The following CHST15 variants were observed in gnomAD, a reference collection of about 807,000 sequenced individuals.
CHST15 encodes B cell RAG associated protein (GALNAC4S-6ST).
Under a neutral mutation model 53.6 loss-of-function variants are expected in CHST15, and 30 were observed. That is an observed-to-expected ratio of 0.56 (90% CI 0.42 to 0.76). The LOEUF (loss-of-function observed/expected upper bound fraction) is 0.76. CHST15 is among the 30% of genes least tolerant of loss of function. The pLI, the probability that CHST15 is intolerant of heterozygous loss-of-function variation, is 0.00. For missense variants in CHST15, 627 were observed against 740.5 expected (o/e 0.85, Z 1.78); for synonymous variants, 296 against 289.8 (o/e 1.02, Z -0.22).
intron 6 of CHST15, among the ~76,000 whole-genome samples, chr10:124,016,985 G>A (rs1946606777): frequency 6.6e-6 from 1 of 152,110 alleles, no homozygotes; most frequent in Non-Finnish European, 1.5e-5. Context: ...AGGAGGGCAG[G>A]GGCACACCCT....
intron 3 of CHST15, among the ~76,000 whole-genome samples, chr10:124,044,045 A>ACACAGAGCAG: frequency 1.4e-5 from 2 of 144,418 alleles, no homozygotes; most frequent in South Asian, 4.4e-4. Context: ...CACAGAGCCA[A>ACACAGAGCAG]GGAACAGCAC....
chr10:124,066,540 T>C (rs569515142), intron 1 of CHST15, among the ~76,000 whole-genome samples: 1 of 151,676 alleles, frequency 6.6e-6, no homozygotes, highest in African/African-American at 2.4e-5. Flanking sequence ...TGGGATTATT[T>C]TCCCCTTTGG....
Position 124,042,453 on chromosome 10 carries a change from A to C in CHST15, c.887-6T>G, listed in dbSNP as rs977455921. On this transcript the variant is annotated splice_polypyrimidine_tract_variant and splice_region_variant and intron_variant, in intron 3 of 7. Coordinates refer to ENST00000435907, the MANE Select transcript of CHST15 (RefSeq NM_001270764.2). The stretch of plus-strand genomic sequence containing the variant: ...ATCTCTTAGGCGGACGATTCCTATG[A>C]GAACCAAGAAGCAGGAGATACTGAG... 6.8e-6 allele frequency: 11 copies of C among 1,613,172 alleles called. No homozygotes were observed. The African/African-American group carries it at 1.2e-4, about 18-fold the overall frequency.
chr10:124,055,587 C>A (rs1017875552), intron 1 of CHST15, among the ~76,000 whole-genome samples: 3 of 152,198 alleles, frequency 2.0e-5, no homozygotes, highest in African/African-American at 7.2e-5. Context: ...CACCCAAGTT[C>A]TACAGTAGAA....
rs1947513768 is a variant in CHST15, at chr10:124,036,782, G to A, written c.1190+1733C>T. Among the ~76,000 whole-genome samples, 1 of 152,158 alleles carries A rather than the reference G, an allele frequency of 6.6e-6. No homozygotes were observed. Among genetic ancestry groups the A allele is most frequent in the Non-Finnish European group, 1.5e-5 (1 of 68,030 alleles). ...GTTTGAAAACAGTTTTCCAATATAT[G>A]TTCCAAAATTTCCACAACAAACACG... On this transcript the variant is annotated intron_variant, in intron 5 of 7. Transcript: ENST00000435907. The surrounding 1 kb of genome is among the most constrained non-coding windows in gnomAD (Gnocchi z 5.1).
intron 1 of CHST15, among the ~76,000 whole-genome samples, chr10:124,055,850 C>T (rs2134067738): frequency 6.6e-6 from 1 of 152,336 alleles, no homozygotes; most frequent in Non-Finnish European, 1.5e-5. Flanking sequence ...GACAGTGAAG[C>T]TCCTGGGATC....
chr10:124,021,663 A>G lies in CHST15; in HGVS notation c.1191-251T>C, dbSNP rs888602496. Among the ~76,000 whole-genome samples the G allele has an allele frequency of 5.3e-5, 8 of 152,262 alleles. No homozygotes were observed. The East Asian group carries it at 9.7e-4, about 18-fold the overall frequency. ...CCCACACAAACCACCAGCCGCTTTT[A>G]TGGTGTTGCTTGTTCTATCATCTCA... On this transcript the variant is annotated intron_variant, in intron 5 of 7. Transcript: ENST00000435907.
chr10:124,087,454 G>A (rs1219352553), intron 1 of CHST15, among the ~76,000 whole-genome samples: 1 of 152,184 alleles, frequency 6.6e-6, no homozygotes, highest in Non-Finnish European at 1.5e-5. Context: ...AAACATAATT[G>A]TGCCTGGCCT....
intron 5 of CHST15, among the ~76,000 whole-genome samples, chr10:124,035,134 C>CGGCTCCGCCCCCTAACAGGGACCCT (rs1947419883): frequency 8.0e-6 from 1 of 125,610 alleles, no homozygotes; most frequent in Admixed American, 7.7e-5. Context: ...ACAGGGACCC[C>CGGCTCCGCCCCCTAACAGGGACCCT]GGCTCCGCCC....
At chr10:124,092,594 C>G (rs1418978638) in intron 1 of CHST15, 1 of 152,434 alleles carries the variant, frequency 6.6e-6, no homozygotes, top group Admixed American at 6.5e-5. Flanking sequence ...GTCCCACGGG[C>G]TTAGGCGCGG....
chr10:124,042,492 C>T (rs1947780921), intron 3 of CHST15, 45 bp from the exon 4 acceptor site: 2 of 1,598,084 alleles, frequency 1.3e-6, no homozygotes, highest in African/African-American at 2.7e-5. Flanking sequence ...AAAGTTGCTA[C>T]TGCTGGAGCG....
intron 2 of CHST15, among the ~76,000 whole-genome samples, chr10:124,045,123 A>AAAC (rs1564882023): frequency 8.0e-6 from 1 of 125,668 alleles, no homozygotes. Context: ...AAAAAAAAAA[A>AAAC]AAAAAAAAAA....
rs114515530 is a variant in CHST15, at chr10:124,010,335, G to A, written c.1500C>T (p.Pro500=). The A allele has an allele frequency of 3.5e-4, 562 of 1,593,478 alleles. 2 individuals carry two copies. The African/African-American group carries it at 6.9e-3, about 19-fold the overall frequency. The change falls in exon 8 of 8, where the codon CCC becomes CCT. Residue 500 remains proline (P), a synonymous_variant. Coordinates refer to ENST00000435907, the MANE Select transcript of CHST15 (RefSeq NM_001270764.2). ...TCAAAGCCTCCTGCTTCTCACTTAA[G>A]GGCCCTAGAATAAAAGAAGACGAGT... ...HKVFQFLNLG[P]LSEKQEALMT... is the part of the protein sequence containing the mutation.
rs1187297586 is a variant in CHST15, at chr10:124,007,720, T to C, written c.*2429A>G. The C allele has an allele frequency of 8.1e-7, 1 of 1,227,554 alleles. No homozygotes were observed. The highest frequency in any genetic ancestry group is 1.6e-5 in the African/African-American group (1 of 64,362). The allele number at this position is 1,227,554 out of a possible 1,614,324, so 76.0% of individuals were successfully genotyped here. On this transcript the variant is annotated 3_prime_UTR_variant, in exon 8 of 8. Transcript: ENST00000435907. ...CACAGGCGTCACTCTTATGGGTCCA[T>C]CTTTAATTATGTTAAATATTAATAA...
chr10:124,085,618 G>A (rs1007031107), intron 1 of CHST15, among the ~76,000 whole-genome samples: 6 of 152,246 alleles, frequency 3.9e-5, no homozygotes, highest in African/African-American at 7.2e-5. Flanking sequence ...CTACATGGAT[G>A]TACCGTGAGC....
At chr10:124,070,957 G>A (rs530630239) in intron 1 of CHST15, among the ~76,000 whole-genome samples, 8 of 152,296 alleles carry the variant, frequency 5.3e-5, no homozygotes, top group Non-Finnish European at 1.0e-4. Flanking sequence ...CAGAAACAGC[G>A]GGGCAAAGGC....
rs943276972 is a variant in CHST15, at chr10:124,020,989, T to G, written c.1347+267A>C. ...CTGGGTGTCTTGCTAAATGGTAATC[T>G]TCCTAAAGGCACCCTCATCCTCCTG... is the stretch of plus-strand genomic sequence containing the variant. On this transcript the variant is annotated intron_variant, in intron 6 of 7. Coordinates refer to ENST00000435907, the MANE Select transcript of CHST15 (RefSeq NM_001270764.2). The G allele has an allele frequency of 3.5e-6, 5 of 1,411,608 alleles. No homozygotes were observed. In the African/African-American group the frequency reaches 7.2e-5, roughly 20 times the overall value. 87.4% of individuals were successfully genotyped at this position (1,411,608 alleles called of 1,614,324 possible).
At chr10:124,012,243 T>C in intron 7 of CHST15, 90 bp downstream of exon 7, 1 of 1,467,414 alleles carries the variant, frequency 6.8e-7, no homozygotes, top group South Asian at 1.3e-5. Flanking sequence ...CCCACCCAGC[T>C]GACCAGGTCT....
At chr10:124,064,074 A>G (rs4641398) in intron 1 of CHST15, among the ~76,000 whole-genome samples, 47,356 of 152,166 alleles carry the variant, frequency 0.31, 7,530 homozygotes, top group South Asian at 0.42. Context: ...TGAATTAATC[A>G]CAGAAGAGTG....
Sources: gnomAD v4.1 joint callset for allele counts (sites outside exome capture counted in the v4.1 genomes callset) on GRCh38, gnomAD v4.1.1 for gene constraint, Gnocchi (gnomAD v3.1) non-coding constraint, MANE v1.5 for transcripts, NCBI Gene and HGNC (gene_info 2026-07-23, HGNC 2026-07-21) for gene names.